Variants in ZNF667 observed in about 807,000 individuals in gnomAD.
ZNF667 encodes myocardial ischemic preconditioning upregulated 1 ortholog.
ZNF667 carries 13 observed loss-of-function variants against 31.8 expected under a neutral mutation model. The ratio of observed to expected loss-of-function variants is 0.41; its 90% CI spans 0.27 to 0.65. ZNF667 has a LOEUF of 0.65. Ranked by LOEUF, ZNF667 falls within the 30% of genes least tolerant of loss-of-function variation. The pLI is 0.32. For missense variants in ZNF667, 642 were observed against 725.6 expected, an observed-to-expected ratio of 0.88 and a Z score of 1.32; for synonymous variants, 228 against 247.1, an observed-to-expected ratio of 0.92 and a Z score of 0.73.
chr19:56,460,570 T>A (rs1244609490), intron 5 of ZNF667, 119 bp downstream of exon 5: 2 of 1,157,358 alleles, frequency 1.7e-6, no homozygotes, highest in Non-Finnish European at 2.4e-6. Flanking sequence ...GTGAATTATA[T>A]CTCAATAAAG....
At chr19:56,452,971 A>G (rs1013103860) in intron 6 of ZNF667, among the ~76,000 whole-genome samples, 5 of 152,076 alleles carry the variant, frequency 3.3e-5, no homozygotes, top group African/African-American at 4.8e-5. Flanking sequence ...TTTCAAAAAC[A>G]TAAACAGAAT....
chr19:56,465,266 T>C (rs2043133860), intron 3 of ZNF667, among the ~76,000 whole-genome samples: 2 of 152,174 alleles, frequency 1.3e-5, no homozygotes, highest in African/African-American at 2.4e-5. Context: ...CTACAGATGT[T>C]TGTTTCGTCC....
chr19:56,467,819 A>C (rs2043195987), intron 3 of ZNF667: 1 of 152,188 alleles, frequency 6.6e-6, no homozygotes, highest in South Asian at 2.1e-4. Flanking sequence ...GGTGGTGTGG[A>C]GCTTCCATGC....
Position 56,471,935 on chromosome 19 carries a change from T to C in ZNF667, c.-296A>G, listed in dbSNP as rs960128663. On this transcript the variant is annotated 5_prime_UTR_variant, in exon 3 of 7. Coordinates refer to ENST00000504904, the MANE Select transcript of ZNF667 (RefSeq NM_001321356.2). ...GTTGTGGGAGGGACCCGGTGGGAGA[T>C]AACTGAATCATGGGGGCGGTTTCCC... 5 of 152,174 alleles carry C rather than the reference T, an allele frequency of 3.3e-5. No homozygotes were observed. The highest frequency in any genetic ancestry group is 1.2e-4 in the African/African-American group (5 of 41,426). The allele number at this position is 152,174 out of a possible 1,614,324, so 9.4% of individuals were successfully genotyped here.
At position 56,471,747 on chromosome 19, in the gene ZNF667, T is replaced by A. The variant is rs1213894266; in HGVS notation, c.-108A>T. On this transcript the variant is annotated 5_prime_UTR_variant, in exon 3 of 7. Transcript: ENST00000504904. Reference sequence around the variant, plus strand: ...TCCCCTTCCAATTACTTAGGTAAAATGACTTGTTCCAGGAAGTTGTAATGC... The same window carrying A: ...TCCCCTTCCAATTACTTAGGTAAAAAGACTTGTTCCAGGAAGTTGTAATGC... The A allele has an allele frequency of 6.6e-6, 1 of 152,158 alleles. No homozygotes were observed. Among genetic ancestry groups the A allele is most frequent in the Non-Finnish European group, 1.5e-5 (1 of 68,024 alleles). 9.4% of individuals were successfully genotyped at this position (152,158 alleles called of 1,614,324 possible). A position where few individuals can be genotyped will look rare whatever the true frequency, so the allele number is the denominator to read the frequency against.
intron 3 of ZNF667, chr19:56,466,937 A>G (rs1168026245): frequency 2.2e-6 from 1 of 451,912 alleles, no homozygotes; most frequent in Non-Finnish European, 4.4e-6. Context: ...CCTACTCTAT[A>G]ACAGGGTAGT....
intron 3 of ZNF667, among the ~76,000 whole-genome samples, chr19:56,469,511 GT>G (rs1203585092): frequency 3.9e-5 from 6 of 152,220 alleles, no homozygotes; most frequent in Middle Eastern, 6.8e-3. Flanking sequence ...GAAGAATCAC[GT>G]TTGGGTCCTA....
At chr19:56,457,274 C>T (rs188738657) in intron 6 of ZNF667, among the ~76,000 whole-genome samples, 10 of 152,016 alleles carry the variant, frequency 6.6e-5, no homozygotes, top group South Asian at 2.1e-4. Flanking sequence ...TGAATGTTAT[C>T]GTAAGTATTA....
At chr19:56,444,062 T>G (rs1568836160) in intron 6 of ZNF667, 2 of 393,086 alleles carry the variant, frequency 5.1e-6, no homozygotes, top group Non-Finnish European at 4.5e-6. Flanking sequence ...ATTGTAAAAA[T>G]GCTGGTTATA....
chr19:56,458,827 G>A (rs1307852250), intron 5 of ZNF667, among the ~76,000 whole-genome samples: 4 of 152,156 alleles, frequency 2.6e-5, no homozygotes, highest in African/African-American at 9.7e-5. Flanking sequence ...TGCATCCTCT[G>A]TAATATCTTT....
At position 56,462,381 on chromosome 19, in the gene ZNF667, C is replaced by T; in HGVS notation, c.-11G>A. The T allele has an allele frequency of 1.2e-6, 2 of 1,614,210 alleles. No individual in the cohort carries two copies. The highest frequency in any genetic ancestry group is 1.7e-6 in the Non-Finnish European group (2 of 1,180,040). ...CCGTGCAGAAGGCATCCTTTCCTCC[C>T]CCTTTAGGGTCCACACTGAGAGATG... is the stretch of plus-strand genomic sequence containing the variant. On this transcript the variant is annotated 5_prime_UTR_variant, in exon 4 of 7. Transcript: ENST00000504904.
intron 6 of ZNF667, chr19:56,449,281 C>A: frequency 2.3e-6 from 1 of 440,532 alleles, no homozygotes; most frequent in South Asian, 1.7e-5. Flanking sequence ...AGCATCAAGA[C>A]CATCCGGGAA....
At chr19:56,467,540 G>C (rs939496715) in intron 3 of ZNF667, among the ~76,000 whole-genome samples, 1 of 152,172 alleles carries the variant, frequency 6.6e-6, no homozygotes, top group African/African-American at 2.4e-5. Flanking sequence ...CCTGGGGACA[G>C]AATCAGATCC....
chr19:56,477,938 T>TG (rs1348520246), upstream of ZNF667: 1 of 152,376 alleles, frequency 6.6e-6, no homozygotes, highest in Non-Finnish European at 1.5e-5. Context: ...GAAGAAGGCT[T>TG]GGGCTGCGCT....
chr19:56,457,524 C>G (rs1305993445), intron 6 of ZNF667, among the ~76,000 whole-genome samples: 1 of 152,162 alleles, frequency 6.6e-6, no homozygotes, highest in Non-Finnish European at 1.5e-5. Flanking sequence ...GGGGTAATAA[C>G]AGCACCCACC....
intron 4 of ZNF667, among the ~76,000 whole-genome samples, chr19:56,462,134 G>T (rs1023246911): frequency 6.6e-6 from 1 of 152,178 alleles, no homozygotes; most frequent in African/African-American, 2.4e-5. Context: ...GTGCACACTG[G>T]GAATGGAGAG....
At chr19:56,457,354 A>G (rs1488527025) in intron 6 of ZNF667, among the ~76,000 whole-genome samples, 1 of 152,228 alleles carries the variant, frequency 6.6e-6, no homozygotes, top group Non-Finnish European at 1.5e-5. Context: ...ACAGGTGGGC[A>G]TAAGGGTGTG....
intron 6 of ZNF667, among the ~76,000 whole-genome samples, chr19:56,452,045 ATC>A (rs1285115904): frequency 6.6e-6 from 1 of 151,400 alleles, no homozygotes; most frequent in Admixed American, 6.6e-5. Context: ...CAATGAAGAA[ATC>A]TCTTTTTTTT....
At chr19:56,464,402 G>A (rs139925897) in intron 3 of ZNF667, among the ~76,000 whole-genome samples, 100 of 152,278 alleles carry the variant, frequency 6.6e-4, no homozygotes, top group Non-Finnish European at 1.0e-3. Context: ...GCTGAGATGG[G>A]AGGATTGCTT....
Sources: allele counts gnomAD v4.1 joint callset (sites outside exome capture counted in the v4.1 genomes callset), GRCh38; gene constraint gnomAD v4.1.1; transcripts MANE v1.5; gene names NCBI Gene and HGNC (gene_info 2026-07-23, HGNC 2026-07-21).